The following RANBP2 variants were observed in gnomAD, a reference collection of about 807,000 sequenced individuals.
The protein encoded by RANBP2 is E3 SUMO-protein ligase RanBP2.
Under a neutral mutation model 303.6 loss-of-function variants are expected in RANBP2, and 57 were observed. The observed-to-expected ratio is 0.19, with a 90% CI of 0.15 to 0.23. The LOEUF is 0.23. RANBP2 is among the 10% of genes least tolerant of loss of function. RANBP2 has a pLI of 1.00. For missense variants in RANBP2, 3,138 were observed against 3,780.8 expected (o/e 0.83, Z 4.46); for synonymous variants, 1,167 against 1,301.5 (o/e 0.90, Z 2.23).
At chr2:109,396,840 G>A in the RANBP2 span, among the ~76,000 whole-genome samples, 2 of 152,244 alleles carry the variant, frequency 1.3e-5, no homozygotes, top group Admixed American at 6.5e-5. Context: ...CAGGTAGCCT[G>A]CACTTCCATA....
the RANBP2 span, among the ~76,000 whole-genome samples, chr2:109,205,911 T>C: frequency 6.6e-6 from 1 of 152,222 alleles, no homozygotes; most frequent in Non-Finnish European, 1.5e-5. Flanking sequence ...TTATGAATTA[T>C]TTGTTGACTT....
the RANBP2 span, among the ~76,000 whole-genome samples, chr2:109,727,316 T>A: frequency 6.6e-6 from 1 of 152,182 alleles, no homozygotes; most frequent in Non-Finnish European, 1.5e-5. Context: ...AACGATGAAC[T>A]TTTTGAAGGG....
chr2:108,857,019 G>A, the RANBP2 span: 2 of 691,452 alleles, frequency 2.9e-6, no homozygotes, highest in Non-Finnish European at 2.0e-6. Context: ...TGATTTTTCT[G>A]TCTTTATCTT....
chr2:109,569,684 T>C, the RANBP2 span, among the ~76,000 whole-genome samples: 1 of 152,296 alleles, frequency 6.6e-6, no homozygotes, highest in East Asian at 1.9e-4. Context: ...AGTTTCAATA[T>C]TATATACTTA....
At chr2:108,913,186 T>A in the RANBP2 span, among the ~76,000 whole-genome samples, 1 of 152,242 alleles carries the variant, frequency 6.6e-6, no homozygotes, top group Admixed American at 6.5e-5. Flanking sequence ...CCTGACCTTG[T>A]GATCTGCCCG....
the RANBP2 span, among the ~76,000 whole-genome samples, chr2:108,810,815 G>A: frequency 0.016 from 2,509 of 152,214 alleles, 25 homozygotes; most frequent in Middle Eastern, 0.048. Flanking sequence ...CATTTAGTTC[G>A]GGCTTTTCTT....
chr2:109,519,518 C>T, the RANBP2 span, among the ~76,000 whole-genome samples: 2 of 152,216 alleles, frequency 1.3e-5, no homozygotes, highest in Non-Finnish European at 2.9e-5. Context: ...AGAGAGAGGC[C>T]TCAAGAACTC....
chr2:109,699,670 T>A, the RANBP2 span, among the ~76,000 whole-genome samples: 2 of 151,930 alleles, frequency 1.3e-5, no homozygotes, highest in South Asian at 2.1e-4. Flanking sequence ...GGAGGAGGGG[T>A]TGGTTGCGTT....
the RANBP2 span, among the ~76,000 whole-genome samples, chr2:109,057,406 G>A: frequency 6.6e-6 from 1 of 152,234 alleles, no homozygotes; most frequent in East Asian, 1.9e-4. Context: ...ACGGATGACA[G>A]CTCTGTCCTT....
At chr2:108,758,267 A>C (rs1207301040) in intron 17 of RANBP2, 146 bp from the exon 18 acceptor site, 1 of 1,347,432 alleles carries the variant, frequency 7.4e-7, no homozygotes, top group Non-Finnish European at 9.9e-7. Flanking sequence ...ATTGCACTCC[A>C]GCCTGGACGA....
the RANBP2 span, among the ~76,000 whole-genome samples, chr2:108,828,666 C>G: frequency 6.6e-6 from 1 of 152,108 alleles, no homozygotes; most frequent in Non-Finnish European, 1.5e-5. Flanking sequence ...GAGTATGAGC[C>G]TTACCTTATA....
chr2:108,727,786 A>G (rs773578915), intron 1 of RANBP2, among the ~76,000 whole-genome samples: 84 of 151,926 alleles, frequency 5.5e-4, no homozygotes, highest in Non-Finnish European at 9.3e-4. Flanking sequence ...TATTTTTAGT[A>G]GAAAGGAGGT....
chr2:109,154,437 A>G, the RANBP2 span, among the ~76,000 whole-genome samples: 1 of 152,206 alleles, frequency 6.6e-6, no homozygotes, highest in Non-Finnish European at 1.5e-5. Flanking sequence ...AAGCTGCAGC[A>G]TCATGGGCAC....
At chr2:109,719,606 C>T in the RANBP2 span, among the ~76,000 whole-genome samples, 48 of 151,466 alleles carry the variant, frequency 3.2e-4, no homozygotes, top group East Asian at 8.4e-3. Context: ...GGGGTTTCAC[C>T]GTGTTGGCCA....
the RANBP2 span, among the ~76,000 whole-genome samples, chr2:109,427,089 C>A: frequency 6.6e-6 from 1 of 152,104 alleles, no homozygotes; most frequent in Non-Finnish European, 1.5e-5. Flanking sequence ...TGGCCCTAGC[C>A]TCCCTAGTAG....
chr2:109,457,467 G>A, the RANBP2 span, among the ~76,000 whole-genome samples: 1 of 152,244 alleles, frequency 6.6e-6, no homozygotes, highest in Non-Finnish European at 1.5e-5. Context: ...ATGTGTAATA[G>A]TTGTGAGGGT....
chr2:109,518,583 CAT>C, the RANBP2 span, among the ~76,000 whole-genome samples: 1 of 152,188 alleles, frequency 6.6e-6, no homozygotes, highest in African/African-American at 2.4e-5. Flanking sequence ...ACATTCCCAC[CAT>C]TAGCAGCACT....
chr2:109,011,681 C>T, the RANBP2 span, among the ~76,000 whole-genome samples: 2 of 152,156 alleles, frequency 1.3e-5, no homozygotes, highest in African/African-American at 4.8e-5. Flanking sequence ...TTTTCCTCTG[C>T]TATTTTCTGT....
At chr2:109,546,349 C>G in the RANBP2 span, 40 of 556,048 alleles carry the variant, frequency 7.2e-5, no homozygotes, top group African/African-American at 6.5e-4. Flanking sequence ...ATAACCTACA[C>G]AGTCAAAATC....
Sources: gnomAD v4.1 joint callset for allele counts (sites outside exome capture counted in the v4.1 genomes callset) on GRCh38, gnomAD v4.1.1 for gene constraint, MANE v1.5 for transcripts, NCBI Gene and HGNC (gene_info 2026-07-23, HGNC 2026-07-21) for gene names.